The following SPATA31F3 variants were observed in gnomAD, a reference collection of about 807,000 sequenced individuals.
SPATA31F3 encodes SPATA31 subfamily F member 3.
chr9:34,892,962 A>T, the SPATA31F3 span: 11 of 696,092 alleles, frequency 1.6e-5, no homozygotes, highest in Non-Finnish European at 2.8e-5. Context: ...TGCTTAAAAG[A>T]CACACTAGAT....
the SPATA31F3 span, among the ~76,000 whole-genome samples, chr9:34,892,164 G>A: frequency 6.6e-6 from 1 of 152,290 alleles, no homozygotes; most frequent in East Asian, 1.9e-4. Context: ...CTAGGCAGTG[G>A]ACAGAGGCCA....
chr9:34,891,536 G>T, the SPATA31F3 span, among the ~76,000 whole-genome samples: 1 of 152,216 alleles, frequency 6.6e-6, no homozygotes, highest in Non-Finnish European at 1.5e-5. Flanking sequence ...GGGCTGTACT[G>T]CTCCAGGGCA....
At chr9:34,893,541 C>T in the SPATA31F3 span, among the ~76,000 whole-genome samples, 1,995 of 151,384 alleles carry the variant, frequency 0.013, 18 homozygotes, top group Non-Finnish European at 0.02. Context: ...ACGGAGCTTG[C>T]AGTGAGCCGA....
At chr9:34,890,463 C>T in the SPATA31F3 span, among the ~76,000 whole-genome samples, 516 of 152,270 alleles carry the variant, frequency 3.4e-3, 1 homozygote, top group South Asian at 0.018. Flanking sequence ...GTCATGTCTC[C>T]ACTGGGTGTG....
the SPATA31F3 span, chr9:34,895,429 A>C: frequency 1.3e-5 from 5 of 397,048 alleles, no homozygotes; most frequent in African/African-American, 1.0e-4. Context: ...ATAGCTGCCA[A>C]CCAGAATAAT....
chr9:34,894,901 G>A, the SPATA31F3 span: 1 of 396,844 alleles, frequency 2.5e-6, no homozygotes. Context: ...AGTCTTCCAT[G>A]AGAAATTGTC....
chr9:34,892,071 T>C, the SPATA31F3 span, among the ~76,000 whole-genome samples: 1 of 152,154 alleles, frequency 6.6e-6, no homozygotes, highest in Non-Finnish European at 1.5e-5. Context: ...CAGGGATCTC[T>C]AAAGGCAGAC....
At chr9:34,892,429 A>T in the SPATA31F3 span, among the ~76,000 whole-genome samples, 1 of 152,156 alleles carries the variant, frequency 6.6e-6, no homozygotes, top group Non-Finnish European at 1.5e-5. Context: ...GGAAAATTAG[A>T]AGTGGTGTGG....
chr9:34,890,982 C>CT, the SPATA31F3 span, among the ~76,000 whole-genome samples: 1 of 152,034 alleles, frequency 6.6e-6, no homozygotes, highest in Admixed American at 6.6e-5. Context: ...GTCAGAGGCT[C>CT]TGATGGGCTC....
the SPATA31F3 span, among the ~76,000 whole-genome samples, chr9:34,893,784 C>T: frequency 2.2e-3 from 337 of 152,156 alleles, 6 homozygotes; most frequent in Non-Finnish European, 2.8e-3. Context: ...ACTAGGAGAA[C>T]GGAGCCAGGC....
At chr9:34,893,136 G>C in the SPATA31F3 span, 1 of 706,348 alleles carries the variant, frequency 1.4e-6, no homozygotes, top group South Asian at 3.8e-5. Context: ...CTTCCTTCCT[G>C]AGGAAGCCAG....
chr9:34,895,166 T>C, the SPATA31F3 span: 3 of 398,356 alleles, frequency 7.5e-6, no homozygotes, highest in Middle Eastern at 6.3e-4. Flanking sequence ...CATAAACATT[T>C]CCTGGTCTTT....
At chr9:34,892,794 G>A in the SPATA31F3 span, 18 of 610,600 alleles carry the variant, frequency 2.9e-5, no homozygotes, top group African/African-American at 5.5e-5. Context: ...CTCTGTCCTC[G>A]CTGAAAGTGA....
chr9:34,890,441 A>T, the SPATA31F3 span, among the ~76,000 whole-genome samples: 1 of 152,214 alleles, frequency 6.6e-6, no homozygotes, highest in Non-Finnish European at 1.5e-5. Context: ...AACACAAAGT[A>T]CCTGGGCCTC....
chr9:34,894,342 C>T, the SPATA31F3 span: 1 of 397,528 alleles, frequency 2.5e-6, no homozygotes, highest in Non-Finnish European at 4.4e-6. Flanking sequence ...TGTCTCCCTC[C>T]CATCCATTTT....
the SPATA31F3 span, chr9:34,894,606 G>A: frequency 2.5e-6 from 1 of 397,758 alleles, no homozygotes; most frequent in Middle Eastern, 6.3e-4. Flanking sequence ...GAAAACCCCA[G>A]AGTCAGAACA....
the SPATA31F3 span, chr9:34,895,559 T>C: frequency 2.8e-5 from 11 of 398,492 alleles, no homozygotes; most frequent in South Asian, 1.3e-4. Flanking sequence ...AATTTAGCCA[T>C]GGTCATAGTG....
At chr9:34,895,118 TACACC>T in the SPATA31F3 span, 4 of 398,472 alleles carry the variant, frequency 1.0e-5, no homozygotes, top group Admixed American at 1.3e-4. Context: ...GCAAAGCTGC[TACACC>T]ATTTTTTCCC....
chr9:34,892,845 G>A, the SPATA31F3 span: 54 of 695,596 alleles, frequency 7.8e-5, no homozygotes, highest in East Asian at 6.7e-4. Flanking sequence ...CCAGCTGACC[G>A]GGCAGCTGAC....
Sources: allele counts gnomAD v4.1 joint callset (sites outside exome capture counted in the v4.1 genomes callset), GRCh38; gene constraint gnomAD v4.1.1; transcripts MANE v1.5; gene names NCBI Gene and HGNC (gene_info 2026-07-23, HGNC 2026-07-21).